Variants in ZNF33B observed in about 807,000 individuals in gnomAD.
ZNF33B encodes the protein zinc finger protein 33B.
Under a neutral mutation model 45.8 loss-of-function variants are expected in ZNF33B, and 29 were observed. That is an observed-to-expected ratio of 0.63 (90% CI 0.47 to 0.86). The LOEUF (loss-of-function observed/expected upper bound fraction) is 0.86. Ranked by LOEUF, ZNF33B falls within the 40% of genes least tolerant of loss-of-function variation. The pLI is 0.00. For missense variants in ZNF33B, 831 were observed against 909.9 expected, an observed-to-expected ratio of 0.91 and a Z score of 1.12; for synonymous variants, 305 against 307.8, an observed-to-expected ratio of 0.99 and a Z score of 0.10.
At chr10:42,637,088 G>T in intron 1 of ZNF33B, 116 bp from the exon 2 acceptor site, 1 of 916,028 alleles carries the variant, frequency 1.1e-6, no homozygotes, top group Non-Finnish European at 1.7e-6. Flanking sequence ...CCGTCTGGGA[G>T]AATATCAATG....
chr10:42,612,331 G>T (rs1405392509), intron 4 of ZNF33B, among the ~76,000 whole-genome samples: 1 of 150,892 alleles, frequency 6.6e-6, no homozygotes, highest in Non-Finnish European at 1.5e-5. Flanking sequence ...TGCGTTCCAG[G>T]TTCTAAGCGA....
chr10:42,578,938 T>C (rs1180007052), intron 1 of ZNF33B, among the ~76,000 whole-genome samples: 1 of 152,124 alleles, frequency 6.6e-6, no homozygotes, highest in African/African-American at 2.4e-5. Context: ...TTACAAGGAG[T>C]GACATAGATG....
At chr10:42,586,879 G>A (rs573639212), downstream of ZNF33B, among the ~76,000 whole-genome samples, 1 of 152,170 alleles carries the variant, frequency 6.6e-6, no homozygotes, top group Non-Finnish European at 1.5e-5. Flanking sequence ...TCGTTTATAA[G>A]CAATAGAAAT....
intron 4 of ZNF33B, among the ~76,000 whole-genome samples, chr10:42,618,117 A>ACC (rs1838405833): frequency 6.6e-6 from 1 of 152,192 alleles, no homozygotes; most frequent in Non-Finnish European, 1.5e-5. Context: ...CACTCTTGAT[A>ACC]TCATTACCAG....
Position 42,594,030 on chromosome 10 carries a change from C to T in ZNF33B, c.920G>A (p.Gly307Glu). The stretch of plus-strand genomic sequence containing the variant: ...ACACAATTTCCTCCTGAAATTATTC[C>T]CACTTTCACCACAATCATAGTGTTT... ...PVKHYDCGES[G>E]NNFRRKLCLS... Residue 307 changes from glycine (G) to glutamate (E), a missense_variant, in exon 5 of 5, where the codon GGG (glycine) becomes GAG (glutamate). Transcript: ENST00000359467. 1 of 1,614,018 alleles carries T rather than the reference C, an allele frequency of 6.2e-7. No individual in the cohort carries two copies. The highest frequency in any genetic ancestry group is 1.1e-5 in the South Asian group (1 of 91,080).
downstream of ZNF33B, among the ~76,000 whole-genome samples, chr10:42,586,150 A>ATTTTTTTT (rs67457246): frequency 4.1e-5 from 5 of 121,526 alleles, no homozygotes; most frequent in African/African-American, 9.7e-5. Context: ...TTTTCCTCAG[A>ATTTTTTTT]TTTTTTTTTT....
In ZNF33B at chr10:42,632,302, G is replaced by A. The variant is rs751787654; in HGVS notation, c.147C>T (p.Val49=). Reference sequence around the variant, plus strand: ...ACAGTGAACAGACCTTACCCACTGAGACAAGGTTGCTGTAGTTCTCCAGCA... The same window carrying A: ...ACAGTGAACAGACCTTACCCACTGAAACAAGGTTGCTGTAGTTCTCCAGCA... ...DVMLENYSNL[V]SVGYCAHKPE... is the part of the protein sequence containing the mutation. Residue 49 remains valine (V), a synonymous_variant, in exon 3 of 5, where the codon GTC becomes GTT. Transcript: ENST00000359467. 13 of 1,600,220 alleles carry A rather than the reference G, an allele frequency of 8.1e-6. No homozygotes were observed. Among genetic ancestry groups the A allele is most frequent in the South Asian group, 2.3e-5 (2 of 88,606 alleles).
intron 1 of ZNF33B, among the ~76,000 whole-genome samples, chr10:42,575,116 T>C (rs1836729130): frequency 6.6e-6 from 1 of 152,196 alleles, no homozygotes; most frequent in Non-Finnish European, 1.5e-5. Context: ...AGAAGCGTGG[T>C]CTTACATTGA....
intron 4 of ZNF33B, 186 bp downstream of exon 4, chr10:42,631,742 AG>A: frequency 1.8e-6 from 1 of 570,630 alleles, no homozygotes; most frequent in Admixed American, 2.9e-5. Flanking sequence ...TGATTCTAAA[AG>A]GAAAAATTTT....
intron 4 of ZNF33B, among the ~76,000 whole-genome samples, chr10:42,615,196 A>G (rs111955223): frequency 0.041 from 6,171 of 152,314 alleles, 187 homozygotes; most frequent in Non-Finnish European, 0.057. Flanking sequence ...GAGACACCAT[A>G]TAACCAGCAT....
downstream of ZNF33B, among the ~76,000 whole-genome samples, chr10:42,586,864 C>G (rs371809873): frequency 2.3e-4 from 35 of 152,276 alleles, 1 homozygote; most frequent in African/African-American, 8.4e-4. Context: ...CCACCTGAGA[C>G]TAGGTCGTTT....
At position 42,593,904 on chromosome 10, in the gene ZNF33B, C is replaced by A; in HGVS notation, c.1046G>T (p.Arg349Met). The A allele has an allele frequency of 6.2e-7, 1 of 1,614,036 alleles. No homozygotes were observed. The highest frequency in any genetic ancestry group is 1.6e-4 in the Middle Eastern group (1 of 6,062). Residue 349 changes from arginine (R) to methionine (M), a missense_variant, in exon 5 of 5, where the codon AGG becomes ATG. Transcript: ENST00000359467. ...AAAGTGTTTCTCTCCTGTGTGCACC[C>A]TCTGATGTCGAGTGAGATGTGACTT... Reference protein sequence around the residue: ...WEKSHLTRHQRVHTGEKHFQC... With the variant: ...WEKSHLTRHQMVHTGEKHFQC...
At chr10:42,629,273 G>A (rs913089863) in intron 4 of ZNF33B, among the ~76,000 whole-genome samples, 8 of 152,074 alleles carry the variant, frequency 5.3e-5, no homozygotes, top group African/African-American at 1.9e-4. Context: ...AAAGTAAAAG[G>A]ACAGTAACTA....
intron 4 of ZNF33B, among the ~76,000 whole-genome samples, chr10:42,629,727 C>T (rs1223853878): frequency 6.6e-6 from 1 of 151,938 alleles, no homozygotes; most frequent in Non-Finnish European, 1.5e-5. Flanking sequence ...TTTCTGTTTT[C>T]TATTCATCTG....
At chr10:42,604,829 G>A (rs1185397793) in intron 4 of ZNF33B, among the ~76,000 whole-genome samples, 1 of 152,014 alleles carries the variant, frequency 6.6e-6, no homozygotes, top group Non-Finnish European at 1.5e-5. Flanking sequence ...GCTGAGGCAG[G>A]AGAATCGCTT....
At chr10:42,629,934 C>G (rs1380697672) in intron 4 of ZNF33B, among the ~76,000 whole-genome samples, 1 of 152,164 alleles carries the variant, frequency 6.6e-6, no homozygotes, top group Non-Finnish European at 1.5e-5. Context: ...AAGTTTCATT[C>G]CACTTAGGCC....
chr10:42,598,237 T>C (rs535359420), intron 4 of ZNF33B, among the ~76,000 whole-genome samples: 3 of 152,372 alleles, frequency 2.0e-5, no homozygotes, highest in South Asian at 4.1e-4. Context: ...CCATGATGAC[T>C]GCCTGAAAGC....
chr10:42,575,319 G>A (rs576349063), intron 1 of ZNF33B, among the ~76,000 whole-genome samples: 1 of 152,258 alleles, frequency 6.6e-6, no homozygotes, highest in South Asian at 2.1e-4. Flanking sequence ...CAGGGTGGAG[G>A]AAGGATGGCA....
chr10:42,616,184 G>C (rs1838305914), intron 4 of ZNF33B, among the ~76,000 whole-genome samples: 1 of 151,960 alleles, frequency 6.6e-6, no homozygotes, highest in African/African-American at 2.4e-5. Context: ...AGTGAGCTGA[G>C]ACCATGCCAC....
Sources: gnomAD v4.1 joint callset for allele counts (sites outside exome capture counted in the v4.1 genomes callset) on GRCh38, gnomAD v4.1.1 for gene constraint, MANE v1.5 for transcripts, NCBI Gene and HGNC (gene_info 2026-07-23, HGNC 2026-07-21) for gene names.